Variants in CMTM8 observed in about 807,000 individuals in gnomAD.
CMTM8 encodes the protein CKLF-like MARVEL transmembrane domain-containing protein 8.
Under a neutral mutation model 18.6 loss-of-function variants are expected in CMTM8, and 12 were observed. The observed-to-expected ratio is 0.65, with a 90% confidence interval of 0.41 to 1.05. CMTM8 has a LOEUF of 1.05. Ranked by LOEUF, CMTM8 falls within the 50% of genes least tolerant of loss-of-function variation. The pLI, the probability that CMTM8 is intolerant of heterozygous loss-of-function variation, is 0.00. For synonymous variants in CMTM8, 87 were observed against 90.6 expected (o/e 0.96, Z 0.23); for missense variants, 217 against 227.2 (o/e 0.95, Z 0.29).
chr3:32,244,343 C>T (rs867693548), intron 1 of CMTM8, among the ~76,000 whole-genome samples: 1 of 152,206 alleles, frequency 6.6e-6, no homozygotes, highest in African/African-American at 2.4e-5. Flanking sequence ...ACATGCACTG[C>T]CAATTCTCAG....
chr3:32,311,108 G>A (rs1695812242), intron 1 of CMTM8, among the ~76,000 whole-genome samples: 2 of 152,192 alleles, frequency 1.3e-5, no homozygotes, highest in Admixed American at 6.5e-5. Context: ...ATACGGTATC[G>A]GGGATGGTCA....
At chr3:32,339,586 A>T (rs1184720033) in intron 1 of CMTM8, among the ~76,000 whole-genome samples, 1 of 152,238 alleles carries the variant, frequency 6.6e-6, no homozygotes, top group Non-Finnish European at 1.5e-5. Context: ...TGGAGAAAGC[A>T]GCAAGGCCTG....
intron 1 of CMTM8, chr3:32,259,474 G>A: frequency 1.3e-6 from 1 of 782,912 alleles, no homozygotes; most frequent in Non-Finnish European, 2.3e-6. Flanking sequence ...AGTCTTTGGA[G>A]AATGACATTC....
intron 1 of CMTM8, among the ~76,000 whole-genome samples, chr3:32,348,978 A>G (rs566075455): frequency 1.3e-5 from 2 of 151,962 alleles, no homozygotes; most frequent in South Asian, 2.1e-4. Context: ...TTAAAAAACT[A>G]TTTTTGTTTT....
At chr3:32,346,459 A>G (rs1034947669) in intron 1 of CMTM8, among the ~76,000 whole-genome samples, 3 of 152,256 alleles carry the variant, frequency 2.0e-5, no homozygotes, top group African/African-American at 4.8e-5. Context: ...TTTATTTCTC[A>G]TAATGCTGTA....
chr3:32,295,470 AAAAAAAAAC>A (rs1304877600), intron 1 of CMTM8, among the ~76,000 whole-genome samples: 5 of 141,028 alleles, frequency 3.5e-5, no homozygotes, highest in Non-Finnish European at 7.6e-5. Flanking sequence ...AAAAAAAAAA[AAAAAAAAAC>A]AAAACAAAAC....
intron 1 of CMTM8, among the ~76,000 whole-genome samples, chr3:32,264,961 T>C (rs1303433204): frequency 6.6e-6 from 1 of 152,104 alleles, no homozygotes; most frequent in Non-Finnish European, 1.5e-5. Context: ...AGCAAGTCCT[T>C]AGAGACCTAC....
rs9883775 is a variant in CMTM8, at chr3:32,311,295, T to C, written c.148-46078T>C. The stretch of plus-strand genomic sequence containing the variant: ...ATTTCAGTGTCTACAAATAGTTTTA[T>C]TGGAACACAGCCATTCACTTGTGAA... On this transcript the variant is annotated intron_variant, in intron 1 of 3. Transcript: ENST00000307526. Among the ~76,000 whole-genome samples the C allele has an allele frequency of 2.7e-3, 404 of 152,388 alleles. 1 individual carries two copies. The highest frequency in any genetic ancestry group is 9.3e-3 in the African/African-American group (386 of 41,598).
intron 1 of CMTM8, among the ~76,000 whole-genome samples, chr3:32,326,153 G>A (rs1476028425): frequency 1.3e-5 from 2 of 152,180 alleles, no homozygotes; most frequent in Admixed American, 6.5e-5. Flanking sequence ...TTGCATTGAA[G>A]CAAATCCTGC....
At chr3:32,242,297 C>A (rs573118931) in intron 1 of CMTM8, among the ~76,000 whole-genome samples, 2 of 152,260 alleles carry the variant, frequency 1.3e-5, no homozygotes, top group African/African-American at 4.8e-5. Flanking sequence ...AAAATGTATT[C>A]TTTTATTGTC....
intron 1 of CMTM8, among the ~76,000 whole-genome samples, chr3:32,258,030 C>T (rs1702199147): frequency 6.6e-6 from 1 of 152,104 alleles, no homozygotes; most frequent in Admixed American, 6.6e-5. Context: ...GGGACTATTT[C>T]CAGAAGTCGC....
intron 1 of CMTM8, among the ~76,000 whole-genome samples, chr3:32,288,772 T>C (rs1442603473): frequency 3.3e-5 from 5 of 152,266 alleles, no homozygotes; most frequent in African/African-American, 9.6e-5. Context: ...AGTGCTGGGA[T>C]TACAGGCGTG....
At position 32,238,736 on chromosome 3, in the gene CMTM8, C is replaced by T; in HGVS notation, c.-237C>T. The T allele has an allele frequency of 4.3e-6, 1 of 235,056 alleles. No individual in the cohort carries two copies. Among genetic ancestry groups the T allele is most frequent in the Non-Finnish European group, 8.1e-6 (1 of 122,780 alleles). The allele number at this position is 235,056 out of a possible 1,614,324, so 14.6% of individuals were successfully genotyped here. On this transcript the variant is annotated 5_prime_UTR_variant, in exon 1 of 4. Transcript: ENST00000307526. The stretch of plus-strand genomic sequence containing the variant: ...CCTCCCCTCGCTCGCTCTCCTCTTC[C>T]TCTAGGGCCCCAGCGCAGCTCGGGA...
intron 1 of CMTM8, among the ~76,000 whole-genome samples, chr3:32,242,237 G>A (rs1701953067): frequency 6.6e-6 from 1 of 152,224 alleles, no homozygotes; most frequent in African/African-American, 2.4e-5. Context: ...ACAATTCCTA[G>A]TTCAACTAGG....
At chr3:32,326,811 C>G (rs1377386274) in intron 1 of CMTM8, among the ~76,000 whole-genome samples, 1 of 152,090 alleles carries the variant, frequency 6.6e-6, no homozygotes, top group Non-Finnish European at 1.5e-5. Context: ...CCACCAGGCA[C>G]AGTCAGTCTG....
chr3:32,276,123 C>T (rs1229903412), intron 1 of CMTM8, among the ~76,000 whole-genome samples: 2 of 152,114 alleles, frequency 1.3e-5, no homozygotes, highest in Non-Finnish European at 2.9e-5. Context: ...TTAGAGAATG[C>T]AGACCGACCT....
intron 1 of CMTM8, among the ~76,000 whole-genome samples, chr3:32,303,839 T>TA (rs1202801202): frequency 6.6e-6 from 1 of 152,218 alleles, no homozygotes; most frequent in Admixed American, 6.5e-5. Flanking sequence ...ATTTATTCCC[T>TA]AGGTATTTCA....
At chr3:32,328,476 T>A (rs1696209233) in intron 1 of CMTM8, among the ~76,000 whole-genome samples, 1 of 55,386 alleles carries the variant, frequency 1.8e-5, no homozygotes, top group African/African-American at 5.7e-5. Context: ...CAGTGAGCTC[T>A]GATCGTGCCG....
intron 1 of CMTM8, among the ~76,000 whole-genome samples, chr3:32,257,740 G>A (rs934279792): frequency 1.3e-5 from 2 of 151,844 alleles, no homozygotes; most frequent in Non-Finnish European, 2.9e-5. Context: ...TGCTTCTCCT[G>A]TGCTGTTTTC....
Sources: gnomAD v4.1 joint callset for allele counts (sites outside exome capture counted in the v4.1 genomes callset) on GRCh38, gnomAD v4.1.1 for gene constraint, MANE v1.5 for transcripts, NCBI Gene and HGNC (gene_info 2026-07-23, HGNC 2026-07-21) for gene names.